The following ZNF837 variants were observed in gnomAD, a reference collection of about 807,000 sequenced individuals.
ZNF837 encodes zinc finger protein 837.
For synonymous variants in ZNF837, 475 were observed against 365.2 expected (o/e 1.30, Z -3.43); for missense variants, 955 against 801.7 (o/e 1.19, Z -2.31).
At chr19:58,380,392 G>C (rs1362791718) in intron 1 of ZNF837, among the ~76,000 whole-genome samples, 1 of 152,220 alleles carries the variant, frequency 6.6e-6, no homozygotes, top group African/African-American at 2.4e-5. Context: ...TGAAGGAGGG[G>C]ACCGCAGACA....
intron 1 of ZNF837, among the ~76,000 whole-genome samples, chr19:58,380,611 C>T (rs1240086324): frequency 6.6e-6 from 1 of 152,192 alleles, no homozygotes; most frequent in East Asian, 1.9e-4. Flanking sequence ...GCGTCGGCCT[C>T]GGCTAGCAGG....
rs1287815850 is a variant in ZNF837 at position 58,367,733 on chromosome 19, G to C, written c.*4C>G. 2 of 1,508,108 alleles carry C rather than the reference G, an allele frequency of 1.3e-6. No individual in the cohort carries two copies. Among genetic ancestry groups the C allele is most frequent in the South Asian group, 2.5e-5 (2 of 80,026 alleles). The allele number at this position is 1,508,108 out of a possible 1,614,324, so 93.4% of individuals were successfully genotyped here. ...GCGACGCGTCGACTCTCGGCTCCCT[G>C]CAGTCAAGGCGCGGCGCGGCCCCCG... On this transcript the variant is annotated 3_prime_UTR_variant, in exon 3 of 3. Coordinates refer to ENST00000597582, the MANE Select transcript of ZNF837 (RefSeq NM_138466.2).
intron 1 of ZNF837, among the ~76,000 whole-genome samples, chr19:58,377,622 A>C (rs2052260084): frequency 6.6e-6 from 1 of 152,226 alleles, no homozygotes; most frequent in Non-Finnish European, 1.5e-5. Flanking sequence ...TGGGCAACAC[A>C]GTGAGACCAC....
chr19:58,367,999 C>T lies in ZNF837; in HGVS notation c.1334G>A (p.Arg445Gln). The change falls in exon 3 of 3, where the codon CGG (arginine) becomes CAG (glutamine). Residue 445 changes from arginine (R) to glutamine (Q), a missense_variant. Coordinates refer to ENST00000597582, the MANE Select transcript of ZNF837 (RefSeq NM_138466.2). ...TCCGCACTCGGAGCAGCCATAGGGC[C>T]GCTCGCCGGTGTGCGCGCGCTGGTG... ...VQHQRAHTGE[R>Q]PYGCSECGKT... is the part of the protein sequence containing the mutation. 2.6e-6 allele frequency: 4 copies of T among 1,532,014 alleles called. No individual in the cohort carries two copies. Among genetic ancestry groups the T allele is most frequent in the South Asian group, 1.2e-5 (1 of 83,712 alleles). 94.9% of individuals were successfully genotyped at this position (1,532,014 alleles called of 1,614,324 possible). A position where few individuals can be genotyped will look rare whatever the true frequency, so the allele number is the denominator to read the frequency against.
intron 2 of ZNF837, 77 bp downstream of exon 2, chr19:58,369,742 A>G (rs45475596): frequency 0.11 from 17,347 of 162,348 alleles, 1,139 homozygotes; most frequent in East Asian, 0.34. Flanking sequence ...CTCAGTGGCA[A>G]GCCGACACTC....
At chr19:58,370,085 C>T (rs945103546) in intron 1 of ZNF837, among the ~76,000 whole-genome samples, 157 bp from the exon 2 acceptor site, 3 of 152,174 alleles carry the variant, frequency 2.0e-5, no homozygotes, top group Admixed American at 2.0e-4. Context: ...ATTGTTAAAG[C>T]TGCTTTAACA....
In ZNF837 at chr19:58,368,000, G is replaced by T; in HGVS notation, c.1333C>A (p.Arg445=). ...VQHQRAHTGE[R]PYGCSECGKT... The stretch of plus-strand genomic sequence containing the variant: ...CCGCACTCGGAGCAGCCATAGGGCC[G>T]CTCGCCGGTGTGCGCGCGCTGGTGT... Residue 445 remains arginine, a synonymous_variant, in exon 3 of 3, where the codon CGG becomes AGG. Coordinates refer to ENST00000597582, the MANE Select transcript of ZNF837 (RefSeq NM_138466.2). 13 of 1,531,842 alleles carry T rather than the reference G, an allele frequency of 8.5e-6. No individual in the cohort carries two copies. Among genetic ancestry groups the T allele is most frequent in the Non-Finnish European group, 1.1e-5 (13 of 1,143,872 alleles). 94.9% of individuals were successfully genotyped at this position (1,531,842 alleles called of 1,614,324 possible). A position where few individuals can be genotyped will look rare whatever the true frequency, so the allele number is the denominator to read the frequency against.
chr19:58,376,547 T>A, intron 1 of ZNF837, among the ~76,000 whole-genome samples: 2 of 74,150 alleles, frequency 2.7e-5, no homozygotes, highest in South Asian at 5.4e-4. Context: ...AGAGCAAGAC[T>A]CTGTCTCAAA....
intron 1 of ZNF837, among the ~76,000 whole-genome samples, chr19:58,371,100 G>T (rs1216460919): frequency 1.3e-5 from 2 of 151,964 alleles, no homozygotes; most frequent in South Asian, 2.1e-4. Context: ...AATTAGCTGG[G>T]CGTGGTGGCG....
At chr19:58,370,987 A>G (rs1293503264) in intron 1 of ZNF837, among the ~76,000 whole-genome samples, 1 of 151,780 alleles carries the variant, frequency 6.6e-6, no homozygotes, top group Admixed American at 6.6e-5. Context: ...CACGCCTGTA[A>G]TCCCAGCACT....
chr19:58,368,852 A>G lies in ZNF837; in HGVS notation c.481T>C (p.Cys161Arg), dbSNP rs577335120. The G allele has an allele frequency of 4.5e-5, 69 of 1,547,366 alleles. No individual in the cohort carries two copies. In the South Asian group the frequency reaches 7.4e-4, roughly 17 times the overall value. ...RIQNHPRTQL[C>R]EVHTDCWPCQ... is the part of the protein sequence containing the mutation. The stretch of plus-strand genomic sequence containing the variant: ...GGCCAACAGTCCGTGTGGACCTCAC[A>G]CAGTTGAGTCCGGGGGTGGTTCTGG... Residue 161 changes from cysteine to arginine, a missense_variant, in exon 3 of 3, where the codon TGT becomes CGT. By Grantham distance (180) the Cys-to-Arg change is radical. Transcript: ENST00000597582.
Position 58,369,109 on chromosome 19 carries a change from C to G in ZNF837, c.224G>C (p.Gly75Ala). Residue 75 changes from glycine to alanine, a missense_variant, in exon 3 of 3, where the codon GGC becomes GCC. Transcript: ENST00000597582. ...SRGCSLGVSP[G>A]PGTRHSAGTR... ...CCCGGCGCTGTGCCGGGTCCCCGGG[C>G]CGGGGCTCACCCCGAGGCTGCAGCC... 6.7e-7 allele frequency: 1 copy of G among 1,500,328 alleles called. No homozygotes were observed. The allele number at this position is 1,500,328 out of a possible 1,614,324, so 92.9% of individuals were successfully genotyped here.
rs1353283311 is a variant in ZNF837, at chr19:58,369,013, C to A, written c.320G>T (p.Gly107Val). 2 of 1,513,616 alleles carry A rather than the reference C, an allele frequency of 1.3e-6. No homozygotes were observed. Among genetic ancestry groups the A allele is most frequent in the African/African-American group, 2.8e-5 (2 of 71,912 alleles). The allele number at this position is 1,513,616 out of a possible 1,614,324, so 93.8% of individuals were successfully genotyped here. A position where few individuals can be genotyped will look rare whatever the true frequency, so the allele number is the denominator to read the frequency against. The change falls in exon 3 of 3, where the codon GGG becomes GTG. Residue 107 changes from glycine (G) to valine (V), a missense_variant. Gly to Val is a moderately radical substitution (Grantham distance 109, BLOSUM62 -3). Transcript: ENST00000597582. ...ACAGGGGCCCTCCCGGGCTTGCAGCCCCTCGGGGATAACCAGCTCAGGGTT... is the reference window on the plus strand; with the variant it reads ...ACAGGGGCCCTCCCGGGCTTGCAGCACCTCGGGGATAACCAGCTCAGGGTT... ...SQNPELVIPE[G>V]LQAREGPCRS...
At chr19:58,375,630 T>C (rs2052238842) in intron 1 of ZNF837, among the ~76,000 whole-genome samples, 1 of 151,440 alleles carries the variant, frequency 6.6e-6, no homozygotes, top group South Asian at 2.1e-4. Flanking sequence ...GTATTTTTAG[T>C]GGAGATGGGA....
intron 1 of ZNF837, among the ~76,000 whole-genome samples, chr19:58,378,747 C>A (rs1334229142): frequency 6.6e-6 from 1 of 152,204 alleles, no homozygotes; most frequent in Non-Finnish European, 1.5e-5. Flanking sequence ...GATGAGATCA[C>A]CCTGAATAAC....
At chr19:58,376,554 C>CAAAAAAAAAA (rs59075587) in intron 1 of ZNF837, among the ~76,000 whole-genome samples, 43 of 67,796 alleles carry the variant, frequency 6.3e-4, no homozygotes, top group African/African-American at 1.2e-3. Flanking sequence ...GACTCTGTCT[C>CAAAAAAAAAA]AAAAAAAAAA....
rs1444126916 is a variant in ZNF837 at position 58,369,252 on chromosome 19, C to G, written c.81G>C (p.Lys27Asn). 1 of 1,415,380 alleles carries G rather than the reference C, an allele frequency of 7.1e-7. No homozygotes were observed. Among genetic ancestry groups the G allele is most frequent in the East Asian group, 2.8e-5 (1 of 35,738 alleles). The allele number at this position is 1,415,380 out of a possible 1,614,324, so 87.7% of individuals were successfully genotyped here. ...CGAGGGGCCTCGGCTCCTCGGGCCT[C>G]TTCTCCCGGGCCCCGGAGGCACCCT... ...DAQGASGARE[K>N]RPEEPRPLEE... Residue 27 changes from lysine to asparagine, a missense_variant, in exon 3 of 3, where the codon AAG (lysine) becomes AAC (asparagine). Physicochemically the swap from Lys to Asn is moderately conservative, Grantham distance 94 (BLOSUM62 0). Transcript: ENST00000597582.
At position 58,368,981 on chromosome 19, in the gene ZNF837, G is replaced by T. The variant is rs750185931; in HGVS notation, c.352C>A (p.Pro118Thr). 9 of 1,528,404 alleles carry T rather than the reference G, an allele frequency of 5.9e-6. No individual in the cohort carries two copies. The highest frequency in any genetic ancestry group is 7.1e-6 in the Non-Finnish European group (8 of 1,134,388). 94.7% of individuals were successfully genotyped at this position (1,528,404 alleles called of 1,614,324 possible). A position where few individuals can be genotyped will look rare whatever the true frequency, so the allele number is the denominator to read the frequency against. ...LQAREGPCRS[P>T]ARGGDCSRNS... ...CTGCTGCAGTCCCCGCCACGCGCTG[G>T]GCTCCTACAGGGGCCCTCCCGGGCT... The change falls in exon 3 of 3, where the codon CCA becomes ACA. Residue 118 changes from proline (P) to threonine (T), a missense_variant. By Grantham distance (38) the Pro-to-Thr change is conservative. Coordinates refer to ENST00000597582, the MANE Select transcript of ZNF837 (RefSeq NM_138466.2).
At position 58,367,629 on chromosome 19, in the gene ZNF837, A is replaced by C. The variant is rs2052144974; in HGVS notation, c.*108T>G. ...GAAGCCTGTGGACGCCATGTGTACA[A>C]AGTGAAGTTTAATCAAAGTTACAAA... is the stretch of plus-strand genomic sequence containing the variant. On this transcript the variant is annotated 3_prime_UTR_variant, in exon 3 of 3. Transcript: ENST00000597582. 1 of 1,376,170 alleles carries C rather than the reference A, an allele frequency of 7.3e-7. No individual in the cohort carries two copies. The highest frequency in any genetic ancestry group is 9.5e-7 in the Non-Finnish European group (1 of 1,051,632). 85.2% of individuals were successfully genotyped at this position (1,376,170 alleles called of 1,614,324 possible).
Sources: allele counts gnomAD v4.1 joint callset (sites outside exome capture counted in the v4.1 genomes callset), GRCh38; gene constraint gnomAD v4.1.1; transcripts MANE v1.5; gene names NCBI Gene and HGNC (gene_info 2026-07-23, HGNC 2026-07-21).